The following NRCAM variants were observed in gnomAD, a reference collection of about 807,000 sequenced individuals.
NRCAM encodes NgCAM-related cell adhesion molecule.
In NRCAM, 83 loss-of-function variants were observed where a neutral mutation model predicts 156.5. The ratio of observed to expected loss-of-function variants is 0.53; its 90% CI spans 0.44 to 0.64. NRCAM has a LOEUF of 0.64. Among genes scored for constraint, NRCAM ranks in the 30% least tolerant of loss-of-function variants. The pLI is 0.00. For missense variants in NRCAM, 1,417 were observed against 1,597.3 expected, an observed-to-expected ratio of 0.89 and a Z score of 1.92; for synonymous variants, 538 against 563.9, an observed-to-expected ratio of 0.95 and a Z score of 0.65.
chr7:108,348,759 C>CA lies in NRCAM; in HGVS notation c.-173-36029dup, dbSNP rs1563374580. Reference sequence around the variant, plus strand: ...TGAAACTTTATCTCCACTAAAAATACAAAAAATAGCTGGGCCCTGTAGTCC... The same window carrying CA: ...TGAAACTTTATCTCCACTAAAAATACAAAAAAATAGCTGGGCCCTGTAGTCC... On this transcript the variant is annotated intron_variant, in intron 2 of 32. Transcript: ENST00000379028. Among the ~76,000 whole-genome samples the CA allele has an allele frequency of 2.6e-5, 4 of 151,796 alleles. No homozygotes were observed. In the South Asian group the frequency reaches 8.4e-4, roughly 32 times the overall value.
intron 1 of NRCAM, among the ~76,000 whole-genome samples, chr7:108,428,597 G>C (rs1007555977): frequency 1.3e-5 from 2 of 152,184 alleles, no homozygotes; most frequent in Non-Finnish European, 2.9e-5. Context: ...AAGAGAAATT[G>C]ACAGGCCTAA....
intron 22 of NRCAM, 30 bp downstream of exon 22, chr7:108,184,211 G>T: frequency 6.4e-7 from 1 of 1,569,506 alleles, no homozygotes; most frequent in Non-Finnish European, 8.8e-7. Flanking sequence ...CTAAAAAATA[G>T]CGAATAAATT....
chr7:108,418,560 T>TACACACACACAC (rs59582056), intron 1 of NRCAM, among the ~76,000 whole-genome samples: 151 of 143,726 alleles, frequency 1.1e-3, no homozygotes, highest in Non-Finnish European at 6.8e-4. Context: ...ATACATATTA[T>TACACACACACAC]ACACACACAC....
chr7:108,218,229 C>A (rs1489793197), intron 11 of NRCAM, among the ~76,000 whole-genome samples: 5 of 151,802 alleles, frequency 3.3e-5, no homozygotes, highest in African/African-American at 1.2e-4. Flanking sequence ...GTGACACCCC[C>A]ACCCTGCTTC....
chr7:108,389,350 G>A (rs1019799532), intron 2 of NRCAM, among the ~76,000 whole-genome samples: 11 of 140,422 alleles, frequency 7.8e-5, no homozygotes, highest in African/African-American at 2.9e-4. Context: ...TCATGATTTG[G>A]CTCTCTGTTT....
At chr7:108,189,870 T>G (rs988420173) in intron 19 of NRCAM, 124 bp from the exon 20 acceptor site, 18 of 558,634 alleles carry the variant, frequency 3.2e-5, no homozygotes, top group African/African-American at 3.1e-4. Context: ...TCAATGAGCA[T>G]GCAACTGAAA....
At chr7:108,373,975 G>A (rs2099645826) in intron 2 of NRCAM, among the ~76,000 whole-genome samples, 1 of 152,096 alleles carries the variant, frequency 6.6e-6, no homozygotes, top group African/African-American at 2.4e-5. Flanking sequence ...CAACAGTGAT[G>A]CCAGCAGAGA....
At chr7:108,192,659 C>G (rs1175474268) in intron 17 of NRCAM, among the ~76,000 whole-genome samples, 1 of 152,010 alleles carries the variant, frequency 6.6e-6, no homozygotes, top group Non-Finnish European at 1.5e-5. Context: ...CTTTTGCTGC[C>G]AAGAAACATT....
chr7:108,327,515 G>T (rs1048499882), intron 2 of NRCAM, among the ~76,000 whole-genome samples: 1 of 152,090 alleles, frequency 6.6e-6, no homozygotes, highest in South Asian at 2.1e-4. Flanking sequence ...ATTTTCAGGG[G>T]TGTTTCTAAA....
intron 11 of NRCAM, among the ~76,000 whole-genome samples, chr7:108,215,207 C>T (rs1487734073): frequency 6.9e-6 from 1 of 144,478 alleles, no homozygotes; most frequent in African/African-American, 2.6e-5. Flanking sequence ...TTAAAGTGTC[C>T]CACTATTTTT....
At chr7:108,372,256 C>T (rs1354942742) in intron 2 of NRCAM, among the ~76,000 whole-genome samples, 1 of 151,900 alleles carries the variant, frequency 6.6e-6, no homozygotes, top group Admixed American at 6.6e-5. Context: ...CTGTAACACA[C>T]CTAGAAAAAA....
chr7:108,392,880 G>A (rs1286014823), intron 2 of NRCAM, among the ~76,000 whole-genome samples: 3 of 152,162 alleles, frequency 2.0e-5, no homozygotes. Flanking sequence ...GCAGAACAGT[G>A]AATATTGCAG....
chr7:108,194,048 T>C lies in NRCAM; in HGVS notation c.1754A>G (p.Asn585Ser), dbSNP rs765773539. ...LSLTVLWLKD[N>S]RELPSDERFT... ...CCTTTCATCACTGGGCAGTTCCCTG[T>C]TGTCCTTCAGCCACAGGACAGTGAG... The change falls in exon 17 of 33, where the codon AAC (asparagine) becomes AGC (serine). Residue 585 changes from asparagine to serine, a missense_variant. Around this residue, in one of 2 missense-constraint regions of NRCAM, gnomAD observed 1,238 missense variants for 1,336.4 expected, o/e 0.93. Transcript: ENST00000379028. The C allele has an allele frequency of 1.2e-5, 19 of 1,614,108 alleles. 1 individual carries two copies. The South Asian group carries it at 1.9e-4, about 16-fold the overall frequency.
At chr7:108,310,272 G>A (rs949357485) in intron 3 of NRCAM, among the ~76,000 whole-genome samples, 4 of 152,160 alleles carry the variant, frequency 2.6e-5, no homozygotes, top group Non-Finnish European at 4.4e-5. Flanking sequence ...CTCATTTTAC[G>A]AAGTGATTTC....
intron 3 of NRCAM, among the ~76,000 whole-genome samples, chr7:108,273,460 T>C (rs1450235209): frequency 6.6e-6 from 1 of 152,248 alleles, no homozygotes; most frequent in Non-Finnish European, 1.5e-5. Context: ...TGAGATGGTA[T>C]CTCATTGTGG....
intron 1 of NRCAM, among the ~76,000 whole-genome samples, chr7:108,437,792 T>C (rs1003191202): frequency 3.9e-5 from 6 of 152,094 alleles, no homozygotes; most frequent in Non-Finnish European, 7.4e-5. Context: ...CATATGTAAA[T>C]GTAATATAAA....
intron 3 of NRCAM, among the ~76,000 whole-genome samples, chr7:108,255,145 G>A (rs961991969): frequency 6.6e-6 from 1 of 150,544 alleles, no homozygotes; most frequent in African/African-American, 2.5e-5. Context: ...TATGCTGAGT[G>A]AGCCTCTCCC....
In NRCAM at chr7:108,217,109, C is replaced by T. The variant is rs148828765; in HGVS notation, c.890+6616G>A. Among the ~76,000 whole-genome samples, 666 of 152,134 alleles carry T rather than the reference C, an allele frequency of 4.4e-3. 1 individual carries two copies. The highest frequency in any genetic ancestry group is 6.4e-3 in the Non-Finnish European group (436 of 67,974). On this transcript the variant is annotated intron_variant, in intron 11 of 32. Transcript: ENST00000379028. ...CCTTCATATGGGTTTTTTGTGTGGA[C>T]GCCCTTTTTGTTGATGCTGATGCTA...
intron 13 of NRCAM, 82 bp from the exon 14 acceptor site, chr7:108,198,181 A>T: frequency 1.8e-6 from 2 of 1,124,652 alleles, no homozygotes; most frequent in Non-Finnish European, 2.5e-6. Context: ...AGTAGGACAT[A>T]AATAAAGACT....
Sources: allele counts gnomAD v4.1 joint callset (sites outside exome capture counted in the v4.1 genomes callset), GRCh38; gene constraint gnomAD v4.1.1; regional missense constraint gnomAD v4.1.1; transcripts MANE v1.5; gene names NCBI Gene and HGNC (gene_info 2026-07-23, HGNC 2026-07-21).